The following DAB1 variants were observed in gnomAD, a reference collection of about 807,000 sequenced individuals.
DAB1 encodes disabled homolog 1.
In DAB1, 15 loss-of-function variants were observed where a neutral mutation model predicts 64.6. That is an observed-to-expected ratio of 0.23 (90% CI 0.16 to 0.36). DAB1 has a LOEUF of 0.36. Among genes scored for constraint, DAB1 ranks in the 10% least tolerant of loss-of-function variants. The pLI, the probability that DAB1 is intolerant of heterozygous loss-of-function variation, is 1.00. For missense variants in DAB1, 596 were observed against 706.7 expected (o/e 0.84, Z 1.78); for synonymous variants, 235 against 251.9 (o/e 0.93, Z 0.64).
chr1:57,006,224 C>T (rs974361881), intron 14 of DAB1, among the ~76,000 whole-genome samples: 3 of 152,190 alleles, frequency 2.0e-5, no homozygotes, highest in Non-Finnish European at 4.4e-5. Flanking sequence ...TGGAAATCTC[C>T]ATGTCTAGCC....
At chr1:57,033,704 T>C in intron 9 of DAB1, 1 of 843,012 alleles carries the variant, frequency 1.2e-6, no homozygotes, top group Non-Finnish European at 2.0e-6. Flanking sequence ...CTGTTTCCAA[T>C]GTCTGTGAAA....
At chr1:57,075,364 T>C (rs886276478) in intron 4 of DAB1, among the ~76,000 whole-genome samples, 1 of 152,188 alleles carries the variant, frequency 6.6e-6, no homozygotes, top group East Asian at 1.9e-4. Flanking sequence ...GCTGTGTGTG[T>C]GAGCGTGAAG....
intron 5 of DAB1, among the ~76,000 whole-genome samples, chr1:57,894,086 G>A (rs573817890): frequency 6.6e-6 from 1 of 152,236 alleles, no homozygotes; most frequent in South Asian, 2.1e-4. Context: ...AGAATCAGGG[G>A]AGAAGGGACA....
intron 2 of DAB1, among the ~76,000 whole-genome samples, chr1:57,238,113 A>G (rs962610307): frequency 6.6e-6 from 1 of 152,170 alleles, no homozygotes; most frequent in African/African-American, 2.4e-5. Flanking sequence ...ATGTGTTCCT[A>G]GACCACGAAA....
intron 7 of DAB1, among the ~76,000 whole-genome samples, chr1:57,447,082 A>G (rs935855610): frequency 5.9e-5 from 9 of 152,382 alleles, no homozygotes; most frequent in Non-Finnish European, 1.0e-4. Context: ...GGAATGAAAT[A>G]CTAGTTCTCT....
chr1:58,352,459 G>A (rs912954847), intron 3 of DAB1, among the ~76,000 whole-genome samples: 12 of 152,212 alleles, frequency 7.9e-5, no homozygotes, highest in African/African-American at 2.9e-4. Flanking sequence ...CATCCGGCAT[G>A]TATCTAACAT....
At chr1:57,383,090 G>T (rs575549194) in intron 1 of DAB1, among the ~76,000 whole-genome samples, 3 of 152,138 alleles carry the variant, frequency 2.0e-5, no homozygotes, top group African/African-American at 7.2e-5. Flanking sequence ...AGGGCTTGGG[G>T]GTTGGACTGT....
chr1:57,676,625 T>C (rs1210993253), intron 6 of DAB1, among the ~76,000 whole-genome samples: 10 of 152,100 alleles, frequency 6.6e-5, no homozygotes, highest in Admixed American at 3.9e-4. Context: ...AAGGGAAAAA[T>C]CTCAAGTCCT....
chr1:57,962,693 C>A lies in DAB1; in HGVS notation n.388-78531G>T, dbSNP rs1026938087. ...TCAAGACCGGCCTGGATAACATAATCTCTACAATTTTTTTTTTTAATTTAG... is the reference window on the plus strand; with the variant it reads ...TCAAGACCGGCCTGGATAACATAATATCTACAATTTTTTTTTTTAATTTAG... On this transcript the variant is annotated intron_variant and non_coding_transcript_variant, in intron 5 of 20. Transcript: ENST00000485760. 2.6e-5 allele frequency among the ~76,000 whole-genome samples: 4 copies of A among 151,404 alleles called. No homozygotes were observed. The East Asian group carries it at 7.8e-4, about 29-fold the overall frequency.
chr1:57,285,921 T>C (rs1213356753), intron 2 of DAB1, among the ~76,000 whole-genome samples: 1 of 152,230 alleles, frequency 6.6e-6, no homozygotes. Context: ...CTGATTGTCC[T>C]CCTTTGATGG....
intron 6 of DAB1, among the ~76,000 whole-genome samples, chr1:57,778,242 G>A (rs1179427241): frequency 6.6e-6 from 1 of 151,834 alleles, no homozygotes; most frequent in African/African-American, 2.4e-5. Flanking sequence ...GTAATCATAT[G>A]CATATTTCTG....
chr1:57,397,629 C>T, intron 1 of DAB1, among the ~76,000 whole-genome samples: 1 of 152,190 alleles, frequency 6.6e-6, no homozygotes, highest in Non-Finnish European at 1.5e-5. Flanking sequence ...CACAGCTGAA[C>T]CTCCCACTGG....
intron 1 of DAB1, among the ~76,000 whole-genome samples, chr1:57,383,801 C>A (rs182719513): frequency 6.6e-6 from 1 of 152,000 alleles, no homozygotes; most frequent in Non-Finnish European, 1.5e-5. Context: ...AACTACAAAA[C>A]CTTTGAAAGA....
chr1:57,180,520 G>C (rs1210882659), intron 2 of DAB1, among the ~76,000 whole-genome samples: 1 of 152,134 alleles, frequency 6.6e-6, no homozygotes, highest in African/African-American at 2.4e-5. Flanking sequence ...TTGCGGATGG[G>C]GGGTAAAGAT....
At position 58,353,751 on chromosome 1, in the gene DAB1, A is replaced by G. The variant is rs537205691; in HGVS notation, n.258-10348T>C. Among the ~76,000 whole-genome samples, 13 of 152,274 alleles carry G rather than the reference A, an allele frequency of 8.5e-5. No homozygotes were observed. The South Asian group carries it at 1.7e-3, about 19-fold the overall frequency. ...AAAGTGAAGAAGAAATGGAATTACA[A>G]TGTGTTTTATCTACTATGTGCAAGG... is the stretch of plus-strand genomic sequence containing the variant. On this transcript the variant is annotated intron_variant and non_coding_transcript_variant, in intron 3 of 20. Transcript: ENST00000485760.
intron 3 of DAB1, among the ~76,000 whole-genome samples, chr1:58,471,395 A>G (rs942861024): frequency 1.3e-5 from 2 of 152,296 alleles, no homozygotes; most frequent in South Asian, 2.1e-4. Flanking sequence ...ATCTAGTTAC[A>G]CACCTGTTCC....
intron 6 of DAB1, among the ~76,000 whole-genome samples, chr1:57,781,334 G>T (rs970454122): frequency 1.3e-5 from 2 of 151,544 alleles, no homozygotes; most frequent in Non-Finnish European, 2.9e-5. Context: ...ACTACTTGAA[G>T]AATCTGGTAT....
intron 6 of DAB1, among the ~76,000 whole-genome samples, chr1:57,738,402 T>C (rs930026478): frequency 5.9e-5 from 9 of 152,228 alleles, no homozygotes; most frequent in African/African-American, 2.2e-4. Flanking sequence ...GACAGCACTT[T>C]GTAACATATA....
chr1:58,116,888 T>C (rs1199294549), intron 5 of DAB1, among the ~76,000 whole-genome samples: 1 of 152,182 alleles, frequency 6.6e-6, no homozygotes, highest in Non-Finnish European at 1.5e-5. Context: ...AAATACAAGT[T>C]ACACAAGGGA....
Sources: allele counts gnomAD v4.1 joint callset (sites outside exome capture counted in the v4.1 genomes callset), GRCh38; gene constraint gnomAD v4.1.1; transcripts MANE v1.5; gene names NCBI Gene and HGNC (gene_info 2026-07-23, HGNC 2026-07-21).